Variants in MYO3B observed in about 807,000 individuals in gnomAD.
MYO3B encodes myosin-IIIb.
A neutral mutation model predicts 174.6 loss-of-function variants in MYO3B; 156 were observed. The observed-to-expected ratio is 0.89, with a 90% CI of 0.78 to 1.02. MYO3B has a LOEUF of 1.02. Ranked by LOEUF, MYO3B falls within the 50% of genes least tolerant of loss-of-function variation. The pLI is 0.00. For missense variants in MYO3B, 1,632 were observed against 1,639.4 expected, an observed-to-expected ratio of 1.00 and a Z score of 0.08; for synonymous variants, 563 against 569.1, an observed-to-expected ratio of 0.99 and a Z score of 0.15.
chr2:170,272,010 A>G (rs1386775803), intron 7 of MYO3B, among the ~76,000 whole-genome samples: 1 of 151,102 alleles, frequency 6.6e-6, no homozygotes, highest in East Asian at 1.9e-4. Context: ...AGGGACTGTT[A>G]TATTTCTACA....
At position 170,268,942 on chromosome 2, in the gene MYO3B, T is replaced by C. The variant is rs374653490; in HGVS notation, c.749+32806T>C. ...CCACTATACATATAAATCAAGAAAATGTGAAATAAAACAATGGGACATTGC... is the reference window on the plus strand; with the variant it reads ...CCACTATACATATAAATCAAGAAAACGTGAAATAAAACAATGGGACATTGC... On this transcript the variant is annotated intron_variant, in intron 7 of 34. Transcript: ENST00000408978. 5.3e-5 allele frequency among the ~76,000 whole-genome samples: 8 copies of C among 151,916 alleles called. No homozygotes were observed. In the East Asian group the frequency reaches 9.6e-4, roughly 18 times the overall value.
intron 7 of MYO3B, among the ~76,000 whole-genome samples, chr2:170,263,429 C>T (rs149785785): frequency 2.6e-5 from 4 of 152,114 alleles, no homozygotes; most frequent in South Asian, 2.1e-4. Flanking sequence ...GGACCGGCAC[C>T]GGCACCAGTC....
intron 32 of MYO3B, chr2:170,602,039 C>T (rs1357128595): frequency 3.3e-6 from 3 of 915,316 alleles, no homozygotes; most frequent in South Asian, 1.3e-5. Flanking sequence ...TCCACCTTTG[C>T]CATATCTTCA....
intron 20 of MYO3B, 104 bp downstream of exon 20, chr2:170,404,504 A>G (rs2094498241): frequency 2.5e-6 from 3 of 1,211,864 alleles, no homozygotes; most frequent in Admixed American, 2.9e-5. Flanking sequence ...TTTTGTTTAT[A>G]TGGTGGTTTG....
At chr2:170,539,199 A>G (rs1689920718) in intron 30 of MYO3B, among the ~76,000 whole-genome samples, 1 of 152,210 alleles carries the variant, frequency 6.6e-6, no homozygotes, top group Non-Finnish European at 1.5e-5. Context: ...GAGCCATAAA[A>G]TAGGATTATC....
intron 30 of MYO3B, among the ~76,000 whole-genome samples, chr2:170,534,740 C>G (rs1021938069): frequency 9.2e-5 from 14 of 152,170 alleles, no homozygotes; most frequent in Non-Finnish European, 2.1e-4. Context: ...CACACCCAGC[C>G]TCAGTGTCCT....
In MYO3B at chr2:170,519,503, ACTTC is replaced by A. The variant is rs1218757859; in HGVS notation, c.3539_3542del (p.Thr1180LysfsTer55). On this transcript the variant is annotated frameshift_variant, in exon 30 of 35. Transcript: ENST00000408978. LOFTEE classifies it high-confidence loss of function. ...AGAATCCAACAATGGCCGTACACAG[ACTTC>A]AAGCAACTCTCCTGCTGTCACAGAG... The A allele has an allele frequency of 1.9e-6, 3 of 1,614,052 alleles. No homozygotes were observed. The highest frequency in any genetic ancestry group is 3.3e-4 in the Middle Eastern group (2 of 6,062).
intron 30 of MYO3B, among the ~76,000 whole-genome samples, chr2:170,539,450 G>T (rs116649767): frequency 6.6e-6 from 1 of 152,058 alleles, no homozygotes; most frequent in Non-Finnish European, 1.5e-5. Context: ...ATTGAGCACC[G>T]GATTAAAATA....
rs537200928 is a variant in MYO3B, at chr2:170,455,598, G to A, written c.2731-7770G>A. Among the ~76,000 whole-genome samples, 3 of 152,300 alleles carry A rather than the reference G, an allele frequency of 2.0e-5. No individual in the cohort carries two copies. The East Asian group carries it at 5.8e-4, about 29-fold the overall frequency. On this transcript the variant is annotated intron_variant, in intron 23 of 34. Transcript: ENST00000408978. ...AGAATTTAGTGACATAACATAGGAAGTGTTTAGTACAGTGATTTCAGATAG... is the reference window on the plus strand; with the variant it reads ...AGAATTTAGTGACATAACATAGGAAATGTTTAGTACAGTGATTTCAGATAG...
intron 30 of MYO3B, among the ~76,000 whole-genome samples, chr2:170,538,662 G>C (rs1280903874): frequency 6.6e-6 from 1 of 152,202 alleles, no homozygotes; most frequent in Non-Finnish European, 1.5e-5. Context: ...TTTCAGGACA[G>C]ATGCCCAGCA....
At chr2:170,489,728 A>G (rs1228636882) in intron 25 of MYO3B, among the ~76,000 whole-genome samples, 1 of 151,432 alleles carries the variant, frequency 6.6e-6, no homozygotes, top group Non-Finnish European at 1.5e-5. Context: ...AGTACAGTCT[A>G]GAGACAGAAT....
chr2:170,215,666 G>T (rs913214214), intron 5 of MYO3B, among the ~76,000 whole-genome samples: 4 of 152,314 alleles, frequency 2.6e-5, no homozygotes, highest in East Asian at 1.9e-4. Flanking sequence ...AATAAATGAG[G>T]TTGGTTTAGA....
At chr2:170,404,033 G>A (rs147824675) in intron 19 of MYO3B, among the ~76,000 whole-genome samples, 8 of 152,180 alleles carry the variant, frequency 5.3e-5, no homozygotes, top group African/African-American at 1.7e-4. Context: ...TGTTTTACTG[G>A]TTTAGCTGCT....
rs1008899165 is a variant in MYO3B, at chr2:170,366,783, C to T, written c.816-2439C>T. ...CTCTCTAACATATCAAATGATCTTGCGACCGTGTTGGAAGCCTTGCTTCTC... is the reference window on the plus strand; with the variant it reads ...CTCTCTAACATATCAAATGATCTTGTGACCGTGTTGGAAGCCTTGCTTCTC... On this transcript the variant is annotated intron_variant, in intron 8 of 34. Coordinates refer to ENST00000408978, the MANE Select transcript of MYO3B (RefSeq NM_138995.5). Among the ~76,000 whole-genome samples, 14 of 152,246 alleles carry T rather than the reference C, an allele frequency of 9.2e-5. No homozygotes were observed. In the East Asian group the frequency reaches 1.5e-3, roughly 17 times the overall value.
chr2:170,354,349 C>T (rs2094103203), intron 8 of MYO3B, among the ~76,000 whole-genome samples: 2 of 152,090 alleles, frequency 1.3e-5, no homozygotes, highest in African/African-American at 4.8e-5. Flanking sequence ...GTAAGTGGTC[C>T]TAAAAGATCC....
intron 7 of MYO3B, among the ~76,000 whole-genome samples, chr2:170,267,173 C>T (rs1179228812): frequency 1.3e-5 from 2 of 151,802 alleles, no homozygotes; most frequent in Non-Finnish European, 2.9e-5. Context: ...GGGTTCTGCA[C>T]CTCACAGTCT....
intron 7 of MYO3B, among the ~76,000 whole-genome samples, chr2:170,251,003 A>T (rs941216960): frequency 6.6e-6 from 1 of 151,814 alleles, no homozygotes; most frequent in East Asian, 2.0e-4. Context: ...CCAAAAAGCA[A>T]CTTTTTGGGG....
intron 23 of MYO3B, among the ~76,000 whole-genome samples, chr2:170,450,632 A>G (rs983846395): frequency 1.3e-5 from 2 of 152,152 alleles, no homozygotes; most frequent in African/African-American, 4.8e-5. Flanking sequence ...AATATTACAT[A>G]AAAATCTTTT....
chr2:170,488,851 G>A (rs892484038), intron 25 of MYO3B, among the ~76,000 whole-genome samples: 11 of 152,192 alleles, frequency 7.2e-5, no homozygotes, highest in African/African-American at 2.7e-4. Flanking sequence ...GCTTTCTACT[G>A]AAACAGAAGC....
Sources: allele counts gnomAD v4.1 joint callset (sites outside exome capture counted in the v4.1 genomes callset), GRCh38; gene constraint gnomAD v4.1.1; transcripts MANE v1.5; gene names NCBI Gene and HGNC (gene_info 2026-07-23, HGNC 2026-07-21).